The following MAGI2 variants were observed in gnomAD, a reference collection of about 807,000 sequenced individuals.
The protein encoded by MAGI2 is membrane-associated guanylate kinase, WW and PDZ domain-containing protein 2.
A neutral mutation model predicts 133.3 loss-of-function variants in MAGI2; 35 were observed. The observed-to-expected ratio is 0.26, with a 90% CI of 0.20 to 0.35. MAGI2 has a LOEUF of 0.35. Ranked by LOEUF, MAGI2 falls within the 10% of genes least tolerant of loss-of-function variation. MAGI2 has a pLI of 1.00. For missense variants in MAGI2, 1,636 were observed against 1,863.4 expected, an observed-to-expected ratio of 0.88 and a Z score of 2.25; for synonymous variants, 729 against 710.6, an observed-to-expected ratio of 1.03 and a Z score of -0.41.
At chr7:79,442,941 G>GA (rs369177892) in intron 1 of MAGI2, among the ~76,000 whole-genome samples, 4,784 of 144,522 alleles carry the variant, frequency 0.033, 236 homozygotes, top group African/African-American at 0.11. Flanking sequence ...CATAGACTGT[G>GA]AAAAAAAAAA....
intron 6 of MAGI2, among the ~76,000 whole-genome samples, chr7:78,424,224 C>G (rs1799067536): frequency 6.6e-6 from 1 of 152,210 alleles, no homozygotes; most frequent in Admixed American, 6.5e-5. Flanking sequence ...CAACGTACAG[C>G]TCAGGCTGTT....
intron 3 of MAGI2, among the ~76,000 whole-genome samples, chr7:78,522,441 C>T (rs1796585258): frequency 6.6e-6 from 1 of 152,098 alleles, no homozygotes; most frequent in Non-Finnish European, 1.5e-5. Flanking sequence ...GGCAATGGTG[C>T]AATCTTGGCG....
chr7:79,385,469 C>T (rs1426094490), intron 1 of MAGI2, among the ~76,000 whole-genome samples: 1 of 151,754 alleles, frequency 6.6e-6, no homozygotes, highest in African/African-American at 2.4e-5. Flanking sequence ...GTAGGAAGTC[C>T]ACTGTATTGC....
chr7:78,397,873 C>T (rs1463710523), intron 6 of MAGI2, among the ~76,000 whole-genome samples: 2 of 152,038 alleles, frequency 1.3e-5, no homozygotes, highest in Admixed American at 6.6e-5. Flanking sequence ...TAGAGGGCAA[C>T]ATATTATATT....
intron 4 of MAGI2, chr7:78,518,095 C>G (rs1796190461): frequency 6.6e-6 from 1 of 151,716 alleles, no homozygotes; most frequent in Admixed American, 6.6e-5. Flanking sequence ...ATATATAAAG[C>G]CAAATATTGG....
Position 78,135,010 on chromosome 7 carries a change from C to T in MAGI2, c.3031+11G>A, listed in dbSNP as rs1821964915. The T allele has an allele frequency of 3.1e-6, 5 of 1,612,592 alleles. No individual in the cohort carries two copies. The highest frequency in any genetic ancestry group is 2.7e-5 in the African/African-American group (2 of 74,908). ...TGGCCGCCTCTCTGCAAGGCTGCCT[C>T]AGGCACTCACCCTCCTGAGGAATGA... On this transcript the variant is annotated intron_variant, in intron 17 of 21. Coordinates refer to ENST00000354212, the MANE Select transcript of MAGI2 (RefSeq NM_012301.4).
chr7:79,404,564 T>G (rs540644225), intron 1 of MAGI2, among the ~76,000 whole-genome samples: 30 of 152,268 alleles, frequency 2.0e-4, no homozygotes, highest in Non-Finnish European at 4.4e-5. Context: ...GTGCCATTAC[T>G]GTCTTCATCA....
At chr7:79,163,021 C>G (rs977978740) in intron 1 of MAGI2, among the ~76,000 whole-genome samples, 4 of 151,716 alleles carry the variant, frequency 2.6e-5, no homozygotes, top group African/African-American at 9.7e-5. Context: ...GGACAAAAAA[C>G]AAAACAAAAC....
chr7:79,152,629 C>A lies in MAGI2; in HGVS notation c.302-145423G>T, dbSNP rs28562601. Among the ~76,000 whole-genome samples, 701 of 152,190 alleles carry A rather than the reference C, an allele frequency of 4.6e-3. 4 individuals are homozygous for A. The highest frequency in any genetic ancestry group is 0.016 in the African/African-American group (678 of 41,526). On this transcript the variant is annotated intron_variant, in intron 1 of 21. Transcript: ENST00000354212. The stretch of plus-strand genomic sequence containing the variant: ...CAGAGCTCCAGGGAGGCGGGAAGTG[C>A]TTTTAAAATACATATATTTTCAGGT...
At chr7:78,029,257 T>A (rs1474794709) in intron 21 of MAGI2, among the ~76,000 whole-genome samples, 2 of 152,280 alleles carry the variant, frequency 1.3e-5, no homozygotes, top group African/African-American at 2.4e-5. Context: ...TCCAAGATTT[T>A]AAAAAATCCC....
intron 3 of MAGI2, among the ~76,000 whole-genome samples, chr7:78,559,181 GAAAA>G (rs1563168467): frequency 8.2e-4 from 16 of 19,398 alleles, no homozygotes; most frequent in African/African-American, 2.8e-3. Context: ...AAAAAGAAAA[GAAAA>G]GAAAAGAAAA....
At chr7:78,285,850 T>C (rs1355652305) in intron 9 of MAGI2, 7 of 152,124 alleles carry the variant, frequency 4.6e-5, no homozygotes, top group Admixed American at 4.6e-4. Flanking sequence ...AGACCTGCAG[T>C]TCATACTTGA....
chr7:78,129,649 C>T lies in MAGI2; in HGVS notation c.3204-2233G>A, dbSNP rs533957028. 4.6e-5 allele frequency among the ~76,000 whole-genome samples: 7 copies of T among 152,164 alleles called. No homozygotes were observed. In the South Asian group the frequency reaches 8.3e-4, roughly 18 times the overall value. ...GAGAATGCACATCTCGTGGGCCCTT[C>T]AAGAATCACTTCCGGCCAGATGCCG... On this transcript the variant is annotated intron_variant, in intron 18 of 21. Transcript: ENST00000354212.
chr7:78,098,238 T>C (rs558554015), intron 20 of MAGI2, among the ~76,000 whole-genome samples: 10 of 152,248 alleles, frequency 6.6e-5, no homozygotes, highest in Non-Finnish European at 1.3e-4. Context: ...TATTCTGTAA[T>C]TGATGAGTGT....
intron 15 of MAGI2, among the ~76,000 whole-genome samples, chr7:78,164,700 C>T (rs1403618326): frequency 6.6e-6 from 1 of 152,224 alleles, no homozygotes; most frequent in Non-Finnish European, 1.5e-5. Context: ...TAGACTTTCC[C>T]TTAGGTGTTA....
chr7:78,349,895 T>C (rs1282869907), intron 7 of MAGI2, among the ~76,000 whole-genome samples: 1 of 152,228 alleles, frequency 6.6e-6, no homozygotes, highest in Non-Finnish European at 1.5e-5. Flanking sequence ...AAGATGTGAA[T>C]GACAAATGCC....
At chr7:79,289,756 G>C (rs1181514181) in intron 1 of MAGI2, among the ~76,000 whole-genome samples, 1 of 152,054 alleles carries the variant, frequency 6.6e-6, no homozygotes, top group Non-Finnish European at 1.5e-5. Context: ...GTTAGAGCAG[G>C]AAATCTGATT....
At chr7:78,859,955 T>C (rs1464196331) in intron 2 of MAGI2, among the ~76,000 whole-genome samples, 1 of 152,214 alleles carries the variant, frequency 6.6e-6, no homozygotes, top group Non-Finnish European at 1.5e-5. Flanking sequence ...CTCTTTTTTC[T>C]CTAAACTTCT....
intron 1 of MAGI2, among the ~76,000 whole-genome samples, chr7:79,241,757 T>C (rs536667374): frequency 1.3e-5 from 2 of 152,282 alleles, no homozygotes; most frequent in Admixed American, 6.5e-5. Context: ...ACTGATCCTA[T>C]AGATAACATC....
Sources: gnomAD v4.1 joint callset for allele counts (sites outside exome capture counted in the v4.1 genomes callset) on GRCh38, gnomAD v4.1.1 for gene constraint, MANE v1.5 for transcripts, NCBI Gene and HGNC (gene_info 2026-07-23, HGNC 2026-07-21) for gene names.